The following TRHDE variants were observed in gnomAD, a reference collection of about 807,000 sequenced individuals.
TRHDE encodes thyrotropin-releasing hormone-degrading ectoenzyme.
TRHDE carries 72 observed loss-of-function variants against 125.7 expected under a neutral mutation model. That is an observed-to-expected ratio of 0.57 (90% CI 0.47 to 0.70). TRHDE has a LOEUF of 0.70. TRHDE is among the 30% of genes least tolerant of loss of function. TRHDE has a pLI of 0.00. For synonymous variants in TRHDE, 509 were observed against 509.1 expected (o/e 1.00, Z 0.00); for missense variants, 1,110 against 1,327.1 (o/e 0.84, Z 2.54).
intron 1 of TRHDE, among the ~76,000 whole-genome samples, chr12:72,100,499 G>A (rs1039839359): frequency 7.2e-5 from 11 of 152,204 alleles, no homozygotes; most frequent in African/African-American, 2.7e-4. Flanking sequence ...GGTCAGCAAA[G>A]TGTAGCATGA....
chr12:72,545,409 A>G (rs1175405956), intron 7 of TRHDE, among the ~76,000 whole-genome samples: 1 of 151,566 alleles, frequency 6.6e-6, no homozygotes, highest in Non-Finnish European at 1.5e-5. Context: ...AATGTTTAAG[A>G]GTTGAACTAA....
At chr12:72,403,573 G>A (rs1430199485) in intron 3 of TRHDE, among the ~76,000 whole-genome samples, 1 of 152,150 alleles carries the variant, frequency 6.6e-6, no homozygotes, top group Non-Finnish European at 1.5e-5. Context: ...TCAATCCCAA[G>A]TTAGACTTAC....
chr12:72,120,077 G>A (rs752299888), intron 2 of TRHDE, among the ~76,000 whole-genome samples: 15 of 150,138 alleles, frequency 1.0e-4, no homozygotes, highest in Admixed American at 2.0e-4. Flanking sequence ...TTTTTGAGAC[G>A]GAGTCTTGCT....
rs536767929 is a variant in TRHDE at position 72,516,321 on chromosome 12, G to A, written c.1722+16686G>A. Among the ~76,000 whole-genome samples, 7 of 152,100 alleles carry A rather than the reference G, an allele frequency of 4.6e-5. 1 individual carries two copies. In the South Asian group the frequency reaches 1.5e-3, roughly 32 times the overall value. ...TGTTTGTATCCTCTTTTATTTCATT[G>A]AGCAGTGGTTTATAGTTCTTCTTGA... On this transcript the variant is annotated intron_variant, in intron 6 of 18. Transcript: ENST00000261180.
chr12:72,640,162 T>A (rs947234426), intron 15 of TRHDE, among the ~76,000 whole-genome samples: 8 of 152,238 alleles, frequency 5.3e-5, no homozygotes, highest in Non-Finnish European at 1.0e-4. Flanking sequence ...CGAGACTCCG[T>A]GGGCGTAGGA....
chr12:72,278,674 G>A (rs1879582177), intron 1 of TRHDE, among the ~76,000 whole-genome samples: 1 of 152,124 alleles, frequency 6.6e-6, no homozygotes, highest in Non-Finnish European at 1.5e-5. Flanking sequence ...CACTGTGGTT[G>A]CATTTCCCTG....
chr12:72,208,555 G>T (rs2139360028), intron 2 of TRHDE, among the ~76,000 whole-genome samples: 1 of 152,208 alleles, frequency 6.6e-6, no homozygotes, highest in African/African-American at 2.4e-5. Context: ...AGACTGCTGG[G>T]TTTCAAATCT....
intron 2 of TRHDE, chr12:72,253,577 A>G (rs956928105): frequency 2.4e-4 from 36 of 152,246 alleles, no homozygotes; most frequent in African/African-American, 8.4e-4. Flanking sequence ...GAAGGTACAG[A>G]AATTGCTCAC....
chr12:72,347,300 A>G (rs1870368071), intron 2 of TRHDE, among the ~76,000 whole-genome samples: 1 of 152,122 alleles, frequency 6.6e-6, no homozygotes, highest in Non-Finnish European at 1.5e-5. Context: ...GATTTTGGGT[A>G]GAGACAAGGA....
intron 2 of TRHDE, among the ~76,000 whole-genome samples, chr12:72,131,065 ATTTTTTTTTT>A (rs757285511): frequency 3.8e-5 from 4 of 105,472 alleles, no homozygotes; most frequent in African/African-American, 1.2e-4. Context: ...ACTTAATGTA[ATTTTTTTTTT>A]TTTTTTTTTT....
chr12:72,635,536 G>T (rs1244025306), intron 15 of TRHDE, among the ~76,000 whole-genome samples: 4 of 152,102 alleles, frequency 2.6e-5, no homozygotes, highest in African/African-American at 9.7e-5. Context: ...TGTGGCTTTT[G>T]TTGCCATTGC....
rs1357171803 is a variant in TRHDE, at chr12:72,523,978, T to C, written c.1723-18313T>C. Among the ~76,000 whole-genome samples, 3 of 152,160 alleles carry C rather than the reference T, an allele frequency of 2.0e-5. No individual in the cohort carries two copies. The East Asian group carries it at 5.8e-4, about 29-fold the overall frequency. ...GTTTTACAAGCTGGGATGGTGATGATTATTTACCTCACTGATGGACTTCTA... is the reference window on the plus strand; with the variant it reads ...GTTTTACAAGCTGGGATGGTGATGACTATTTACCTCACTGATGGACTTCTA... On this transcript the variant is annotated intron_variant, in intron 6 of 18. Transcript: ENST00000261180.
At chr12:72,164,662 C>T (rs1474252451) in intron 2 of TRHDE, among the ~76,000 whole-genome samples, 2 of 152,176 alleles carry the variant, frequency 1.3e-5, no homozygotes, top group African/African-American at 4.8e-5. Flanking sequence ...CCACACGACC[C>T]AGTGATGACA....
chr12:72,259,779 C>CCAT (rs1878904638), intron 2 of TRHDE, among the ~76,000 whole-genome samples: 1 of 152,122 alleles, frequency 6.6e-6, no homozygotes, highest in Admixed American at 6.5e-5. Flanking sequence ...ACCCTGACTC[C>CCAT]CATCAAACTG....
At chr12:72,350,783 C>T (rs1870546952) in intron 2 of TRHDE, among the ~76,000 whole-genome samples, 1 of 151,900 alleles carries the variant, frequency 6.6e-6, no homozygotes, top group Admixed American at 6.6e-5. Flanking sequence ...ATTTGATACT[C>T]CAGTTAAGGG....
At chr12:72,310,778 T>C (rs1868507032) in intron 2 of TRHDE, among the ~76,000 whole-genome samples, 1 of 152,138 alleles carries the variant, frequency 6.6e-6, no homozygotes, top group African/African-American at 2.4e-5. Flanking sequence ...GCATGTGGAG[T>C]GGAAATTTGA....
At chr12:72,426,706 C>CA (rs1325334451) in intron 3 of TRHDE, among the ~76,000 whole-genome samples, 1 of 144,816 alleles carries the variant, frequency 6.9e-6, no homozygotes, top group Non-Finnish European at 1.5e-5. Flanking sequence ...ATGGCAACCA[C>CA]AAAAATAGAT....
At chr12:72,357,001 A>G (rs1302674219) in intron 2 of TRHDE, among the ~76,000 whole-genome samples, 1 of 151,574 alleles carries the variant, frequency 6.6e-6, no homozygotes, top group African/African-American at 2.4e-5. Flanking sequence ...ACAATTCAGC[A>G]AAATAGATGA....
At chr12:72,498,660 G>T (rs989141483) in intron 5 of TRHDE, among the ~76,000 whole-genome samples, 3 of 152,108 alleles carry the variant, frequency 2.0e-5, no homozygotes, top group African/African-American at 7.2e-5. Context: ...CTTTAAAGCA[G>T]ACTTTCTAAA....
Sources: gnomAD v4.1 joint callset for allele counts (sites outside exome capture counted in the v4.1 genomes callset) on GRCh38, gnomAD v4.1.1 for gene constraint, MANE v1.5 for transcripts, NCBI Gene and HGNC (gene_info 2026-07-23, HGNC 2026-07-21) for gene names.